SUGCT: variants seen among roughly 807,000 people sequenced by gnomAD.
SUGCT encodes succinyl-CoA:glutarate-CoA transferase.
SUGCT carries 41 observed loss-of-function variants against 55.0 expected under a neutral mutation model. The ratio of observed to expected loss-of-function variants is 0.74; its 90% confidence interval spans 0.58 to 0.97. The LOEUF is 0.97. Among genes scored for constraint, SUGCT ranks in the 50% least tolerant of loss-of-function variants. The pLI, the probability that SUGCT is intolerant of heterozygous loss-of-function variation, is 0.00. For synonymous variants in SUGCT, 187 were observed against 200.4 expected (o/e 0.93, Z 0.56); for missense variants, 568 against 547.8 (o/e 1.04, Z -0.37).
rs538465401 is a variant in SUGCT, at chr7:40,828,680, T to A, written c.1154-31636T>A. ...CATTAATTTGAAAAACATACAAAAT[T>A]GTACTGTGCATTGTTATGGAGATAC... On this transcript the variant is annotated intron_variant, in intron 13 of 13. Transcript: ENST00000335693. Among the ~76,000 whole-genome samples the A allele has an allele frequency of 9.7e-4, 148 of 151,948 alleles. 1 individual carries two copies. The highest frequency in any genetic ancestry group is 3.4e-3 in the African/African-American group (141 of 41,412).
At chr7:40,667,511 G>C (rs1164793533) in intron 12 of SUGCT, among the ~76,000 whole-genome samples, 3 of 151,650 alleles carry the variant, frequency 2.0e-5, no homozygotes, top group Non-Finnish European at 4.4e-5. Flanking sequence ...AGTTTCAGTA[G>C]AATTGGTACT....
intron 6 of SUGCT, chr7:40,217,457 C>T (rs549693006): frequency 9.0e-5 from 40 of 444,854 alleles, no homozygotes; most frequent in South Asian, 3.2e-4. Flanking sequence ...AGCAATCTGC[C>T]GGCTCTGGTC....
chr7:40,674,043 G>A (rs1802072822), intron 12 of SUGCT, among the ~76,000 whole-genome samples: 1 of 152,104 alleles, frequency 6.6e-6, no homozygotes, highest in Admixed American at 6.5e-5. Flanking sequence ...CTGTTAAAAT[G>A]AGGATTGATC....
chr7:40,366,837 C>T (rs1784001652), intron 9 of SUGCT, among the ~76,000 whole-genome samples: 1 of 152,076 alleles, frequency 6.6e-6, no homozygotes, highest in Non-Finnish European at 1.5e-5. Flanking sequence ...CTAGTTCAAC[C>T]ATTGTGGAAG....
chr7:40,151,977 T>C (rs1437981441), intron 1 of SUGCT, among the ~76,000 whole-genome samples: 4 of 152,146 alleles, frequency 2.6e-5, no homozygotes, highest in Non-Finnish European at 5.9e-5. Flanking sequence ...CTTTTGTTTC[T>C]GGGTGGGATC....
chr7:40,701,378 C>T (rs1310930218), intron 12 of SUGCT, among the ~76,000 whole-genome samples: 3 of 152,206 alleles, frequency 2.0e-5, no homozygotes, highest in African/African-American at 4.8e-5. Flanking sequence ...TTCAGAGGCC[C>T]TGTGGGCGTC....
intron 1 of SUGCT, among the ~76,000 whole-genome samples, chr7:40,172,129 C>G (rs545881343): frequency 1.3e-5 from 2 of 152,248 alleles, no homozygotes; most frequent in Non-Finnish European, 2.9e-5. Flanking sequence ...CGCTTTCATC[C>G]TGATCTATTA....
chr7:40,752,759 A>C (rs1046309104), intron 13 of SUGCT, among the ~76,000 whole-genome samples: 2 of 152,206 alleles, frequency 1.3e-5, no homozygotes, highest in Non-Finnish European at 2.9e-5. Flanking sequence ...CACAGGGAGA[A>C]GTAAATAATT....
At chr7:40,402,309 T>A (rs920826699) in intron 9 of SUGCT, among the ~76,000 whole-genome samples, 10 of 152,174 alleles carry the variant, frequency 6.6e-5, no homozygotes, top group Non-Finnish European at 1.3e-4. Context: ...TCTATTTTCA[T>A]TGTCAAGATG....
intron 12 of SUGCT, among the ~76,000 whole-genome samples, chr7:40,697,138 A>G: frequency 6.6e-6 from 1 of 152,200 alleles, no homozygotes; most frequent in East Asian, 1.9e-4. Flanking sequence ...TCATATACTT[A>G]TTCAAAATCT....
intron 6 of SUGCT, among the ~76,000 whole-genome samples, chr7:40,195,708 CTTTTTTTTTTTTTTT>C (rs928397687): frequency 1.4e-4 from 10 of 69,404 alleles, no homozygotes; most frequent in Non-Finnish European, 2.3e-4. Flanking sequence ...GAAAACAATT[CTTTTTTTTTTTTTTT>C]TTTTTTTTTG....
At chr7:40,293,028 A>C (rs1375874039) in intron 8 of SUGCT, among the ~76,000 whole-genome samples, 1 of 152,208 alleles carries the variant, frequency 6.6e-6, no homozygotes, top group Non-Finnish European at 1.5e-5. Flanking sequence ...TATTTAGAGC[A>C]TAAGTTTTCT....
At chr7:40,953,177 C>T in the SUGCT span, among the ~76,000 whole-genome samples, 5 of 152,234 alleles carry the variant, frequency 3.3e-5, no homozygotes, top group South Asian at 8.3e-4. Context: ...CTCTAAACTT[C>T]TCTTCTCGCT....
the SUGCT span, among the ~76,000 whole-genome samples, chr7:40,976,154 A>G: frequency 6.6e-6 from 1 of 152,170 alleles, no homozygotes; most frequent in South Asian, 2.1e-4. Flanking sequence ...CGTTGTGAAC[A>G]AGGGAGCCAT....
chr7:40,204,186 T>C (rs1404773264), intron 6 of SUGCT, among the ~76,000 whole-genome samples: 1 of 152,046 alleles, frequency 6.6e-6, no homozygotes, highest in Non-Finnish European at 1.5e-5. Context: ...AGATGTGGTC[T>C]CACTATGTTG....
chr7:40,941,097 A>G, the SUGCT span, among the ~76,000 whole-genome samples: 4 of 151,930 alleles, frequency 2.6e-5, no homozygotes, highest in African/African-American at 9.7e-5. Context: ...GCTGGATCTT[A>G]TTGAATGCTT....
intron 6 of SUGCT, among the ~76,000 whole-genome samples, chr7:40,213,397 T>C (rs1258570084): frequency 6.6e-6 from 1 of 152,210 alleles, no homozygotes; most frequent in African/African-American, 2.4e-5. Context: ...AGGAACTGAG[T>C]TGATGGCTTT....
the SUGCT span, among the ~76,000 whole-genome samples, chr7:41,027,967 C>A: frequency 6.6e-6 from 1 of 152,176 alleles, no homozygotes; most frequent in Non-Finnish European, 1.5e-5. Flanking sequence ...TCCAAACTGG[C>A]TTTCCTCATC....
the SUGCT span, among the ~76,000 whole-genome samples, chr7:40,937,777 C>A: frequency 6.6e-6 from 1 of 152,034 alleles, no homozygotes; most frequent in Non-Finnish European, 1.5e-5. Flanking sequence ...TTACTTTTAG[C>A]CTATTTTTGT....
Sources: gnomAD v4.1 joint callset for allele counts (sites outside exome capture counted in the v4.1 genomes callset) on GRCh38, gnomAD v4.1.1 for gene constraint, MANE v1.5 for transcripts, NCBI Gene and HGNC (gene_info 2026-07-23, HGNC 2026-07-21) for gene names.